Variants in ANK3 observed in about 807,000 individuals in gnomAD.
The protein encoded by ANK3 is ankyrin-3.
A neutral mutation model predicts 370.9 loss-of-function variants in ANK3; 57 were observed. The ratio of observed to expected loss-of-function variants is 0.15; its 90% CI spans 0.12 to 0.19. The LOEUF is 0.19. Ranked by LOEUF, ANK3 falls within the 10% of genes least tolerant of loss-of-function variation. ANK3 has a pLI of 1.00. For synonymous variants in ANK3, 1,929 were observed against 1,946.3 expected, an observed-to-expected ratio of 0.99 and a Z score of 0.23; for missense variants, 4,439 against 5,302.1, an observed-to-expected ratio of 0.84 and a Z score of 5.06.
intron 1 of ANK3, among the ~76,000 whole-genome samples, chr10:60,335,245 A>G (rs960868978): frequency 7.2e-5 from 11 of 152,118 alleles, no homozygotes; most frequent in African/African-American, 2.2e-4. Context: ...GGTTACTAAT[A>G]AGAATCTTAA....
intron 33 of ANK3, 89 bp downstream of exon 33, chr10:60,083,403 A>T (rs2085791339): frequency 7.1e-7 from 1 of 1,404,104 alleles, no homozygotes; most frequent in African/African-American, 1.5e-5. Flanking sequence ...GGTATTTCAA[A>T]TTAAATAAAT....
intron 8 of ANK3, among the ~76,000 whole-genome samples, chr10:60,224,394 C>T (rs1017943463): frequency 2.0e-5 from 3 of 151,966 alleles, no homozygotes; most frequent in Non-Finnish European, 2.9e-5. Flanking sequence ...CGTTACTCGC[C>T]GGACAGAATG....
At chr10:60,626,536 G>A (rs2133335209) in intron 1 of ANK3, among the ~76,000 whole-genome samples, 1 of 152,228 alleles carries the variant, frequency 6.6e-6, no homozygotes, top group East Asian at 1.9e-4. Flanking sequence ...TTCATTTAGG[G>A]ATTACTGAAA....
At chr10:60,078,344 C>T (rs921645620) in intron 36 of ANK3, among the ~76,000 whole-genome samples, 2 of 152,138 alleles carry the variant, frequency 1.3e-5, no homozygotes, top group African/African-American at 4.8e-5. Flanking sequence ...ATTCATTACC[C>T]CTTCTTGCCA....
At chr10:60,530,299 A>G (rs1257422644) in intron 2 of ANK3, among the ~76,000 whole-genome samples, 32 of 152,142 alleles carry the variant, frequency 2.1e-4, no homozygotes, top group Admixed American at 2.1e-3. Flanking sequence ...AACCCTGTTT[A>G]TTTAATCAAG....
intron 2 of ANK3, among the ~76,000 whole-genome samples, chr10:60,510,523 A>G (rs2076051634): frequency 6.6e-6 from 1 of 152,166 alleles, no homozygotes; most frequent in South Asian, 2.1e-4. Context: ...AGATTTAGAA[A>G]TGTAGCGTCA....
intron 4 of ANK3, among the ~76,000 whole-genome samples, chr10:60,270,533 CACTT>C (rs1274670914): frequency 1.3e-5 from 2 of 152,130 alleles, no homozygotes; most frequent in African/African-American, 2.4e-5. Context: ...TAAGTACACT[CACTT>C]AGTCATCAAC....
chr10:60,236,992 G>A (rs959474033), intron 7 of ANK3, among the ~76,000 whole-genome samples: 3 of 152,214 alleles, frequency 2.0e-5, no homozygotes, highest in African/African-American at 7.2e-5. Flanking sequence ...CAGGCAGTGC[G>A]CTGGATTTGG....
At chr10:60,453,447 T>C (rs191344366) in intron 2 of ANK3, among the ~76,000 whole-genome samples, 3 of 152,332 alleles carry the variant, frequency 2.0e-5, no homozygotes, top group Non-Finnish European at 4.4e-5. Context: ...CGTGGTGTTC[T>C]GTTCTCAAAG....
At chr10:60,483,307 T>A (rs896794600) in intron 2 of ANK3, among the ~76,000 whole-genome samples, 2 of 152,308 alleles carry the variant, frequency 1.3e-5, no homozygotes, top group East Asian at 3.9e-4. Flanking sequence ...ATCTGTAATA[T>A]CTCTATTTAA....
At chr10:60,364,341 A>T (rs1320369338) in intron 1 of ANK3, among the ~76,000 whole-genome samples, 1 of 152,098 alleles carries the variant, frequency 6.6e-6, no homozygotes, top group African/African-American at 2.4e-5. Context: ...GTGATCTAGA[A>T]ATGATGTAAA....
At chr10:60,197,539 T>C in intron 14 of ANK3, among the ~76,000 whole-genome samples, 1 of 152,238 alleles carries the variant, frequency 6.6e-6, no homozygotes, top group East Asian at 1.9e-4. Context: ...ATGAGCTTCC[T>C]GAACTTGCAT....
rs1413896003 is a variant in ANK3, at chr10:60,074,774, T to C, written c.6107A>G (p.Tyr2036Cys). Residue 2036 changes from tyrosine to cysteine, a missense_variant, in exon 37 of 44, where the codon TAC becomes TGC. By Grantham distance (194) the Tyr-to-Cys change is radical (BLOSUM62 -2). Transcript: ENST00000280772. ...KDYNLTKVID[Y>C]LTNDIGSSSL... ...ACTACTCCCAATATCATTTGTTAGG[T>C]AATCAATAACTTTGGTCAAGTTATA... 1.9e-6 allele frequency: 3 copies of C among 1,614,136 alleles called. No individual in the cohort carries two copies. The highest frequency in any genetic ancestry group is 1.1e-5 in the South Asian group (1 of 91,052).
Position 60,593,532 on chromosome 10 carries a change from T to C in ANK3, c.96+21654A>G, listed in dbSNP as rs541569372. ...GTAGCAAATAAAACATTTTAATCCA[T>C]AATTAGGAAAATTTTTTTTTAAATC... On this transcript the variant is annotated intron_variant, in intron 2 of 43. Coordinates refer to the ANK3 transcript ENST00000373827. Among the ~76,000 whole-genome samples, 63 of 152,300 alleles carry C rather than the reference T, an allele frequency of 4.1e-4. No individual in the cohort carries two copies. In the South Asian group the frequency reaches 0.012, roughly 30 times the overall value.
chr10:60,705,225 C>T (rs1428804179), intron 1 of ANK3, among the ~76,000 whole-genome samples: 2 of 151,990 alleles, frequency 1.3e-5, no homozygotes, highest in Non-Finnish European at 2.9e-5. Context: ...CCTAACATAC[C>T]TTAGTTTCTT....
chr10:60,358,717 C>T (rs1481457268), intron 1 of ANK3, among the ~76,000 whole-genome samples: 3 of 152,204 alleles, frequency 2.0e-5, no homozygotes, highest in African/African-American at 4.8e-5. Context: ...TTTAACTTCA[C>T]CTGCTGCCAT....
chr10:60,346,786 C>T (rs1356923031), intron 1 of ANK3, among the ~76,000 whole-genome samples: 2 of 151,906 alleles, frequency 1.3e-5, no homozygotes, highest in African/African-American at 2.4e-5. Flanking sequence ...TAACTAACTT[C>T]ATTTTACCAA....
intron 38 of ANK3, among the ~76,000 whole-genome samples, chr10:60,066,132 G>C (rs1308715910): frequency 6.6e-6 from 1 of 152,114 alleles, no homozygotes; most frequent in Admixed American, 6.5e-5. Flanking sequence ...ATTATTTTAA[G>C]TTCTTCATCT....
intron 2 of ANK3, among the ~76,000 whole-genome samples, chr10:60,432,037 G>T (rs561870932): frequency 3.3e-5 from 5 of 152,314 alleles, no homozygotes; most frequent in African/African-American, 1.2e-4. Context: ...TGTGTCTGAA[G>T]AGGTGATCAA....
Sources: allele counts gnomAD v4.1 joint callset (sites outside exome capture counted in the v4.1 genomes callset), GRCh38; gene constraint gnomAD v4.1.1; transcripts MANE v1.5; gene names NCBI Gene and HGNC (gene_info 2026-07-23, HGNC 2026-07-21).